VPS13B: variants seen among roughly 807,000 people sequenced by gnomAD.
The protein encoded by VPS13B is vacuolar protein sorting 13 homolog B, also known as intermembrane lipid transfer protein VPS13B.
VPS13B carries 285 observed loss-of-function variants against 426.4 expected under a neutral mutation model. The observed-to-expected ratio is 0.67, with a 90% CI of 0.61 to 0.74. The LOEUF (loss-of-function observed/expected upper bound fraction) is 0.74, where lower values mean the gene tolerates loss of function less well. VPS13B is among the 30% of genes least tolerant of loss of function. The pLI is 0.00. For missense variants in VPS13B, 4,537 were observed against 4,782.6 expected (o/e 0.95, Z 1.51); for synonymous variants, 1,676 against 1,676.4 (o/e 1.00, Z 0.01).
intron 17 of VPS13B, among the ~76,000 whole-genome samples, chr8:99,214,487 T>C (rs7014877): frequency 0.74 from 112,887 of 152,062 alleles, 42,684 homozygotes; most frequent in South Asian, 0.87. Context: ...TAGTCAAATA[T>C]TGACAGAAGA....
chr8:99,651,447 CA>C (rs1263154526), intron 34 of VPS13B, among the ~76,000 whole-genome samples: 1 of 151,726 alleles, frequency 6.6e-6, no homozygotes, highest in Non-Finnish European at 1.5e-5. Flanking sequence ...AATGATTTTC[CA>C]AGTAGATAGT....
Position 99,384,310 on chromosome 8 carries a change from T to C in VPS13B, c.2927T>C (p.Met976Thr), listed in dbSNP as rs1439673220. 1.9e-6 allele frequency: 3 copies of C among 1,612,330 alleles called. No individual in the cohort carries two copies. Among genetic ancestry groups the C allele is most frequent in the South Asian group, 1.1e-5 (1 of 91,022 alleles). ...CCTCAGAAACGAACAAGTAGACATATGCAACAGGTAAGAGATTTTTAAATA... is the reference window on the plus strand; with the variant it reads ...CCTCAGAAACGAACAAGTAGACATACGCAACAGGTAAGAGATTTTTAAATA... ...YQPQKRTSRH[M>T]QQQPVVAVPL... is the part of the protein sequence containing the mutation. Residue 976 changes from methionine (M) to threonine (T), a missense_variant, in exon 20 of 62, where the codon ATG becomes ACG. Transcript: ENST00000357162.
chr8:99,504,219 G>T (rs1203398639), intron 27 of VPS13B, among the ~76,000 whole-genome samples: 1 of 152,144 alleles, frequency 6.6e-6, no homozygotes, highest in Admixed American at 6.6e-5. Context: ...TGACACACCT[G>T]TTCTGCTTTG....
At chr8:99,296,632 A>G (rs944894619) in intron 19 of VPS13B, among the ~76,000 whole-genome samples, 3 of 152,206 alleles carry the variant, frequency 2.0e-5, no homozygotes, top group Non-Finnish European at 4.4e-5. Flanking sequence ...TAAAATTCCT[A>G]TGTTAAAACT....
At chr8:99,754,900 C>T (rs1404727345) in intron 39 of VPS13B, among the ~76,000 whole-genome samples, 1 of 152,144 alleles carries the variant, frequency 6.6e-6, no homozygotes, top group Non-Finnish European at 1.5e-5. Context: ...TGCCCCCACT[C>T]CCTGCCACAA....
intron 22 of VPS13B, among the ~76,000 whole-genome samples, chr8:99,439,111 A>T (rs535188429): frequency 6.6e-6 from 1 of 152,298 alleles, no homozygotes; most frequent in Non-Finnish European, 1.5e-5. Context: ...TCATTAACAA[A>T]TCAGTTTTAT....
chr8:99,160,372 G>C (rs1472546273), intron 15 of VPS13B, among the ~76,000 whole-genome samples: 1 of 152,058 alleles, frequency 6.6e-6, no homozygotes, highest in Non-Finnish European at 1.5e-5. Context: ...TTAAGAATCA[G>C]TACTGGCTGG....
chr8:99,749,146 A>G (rs1810265608), intron 39 of VPS13B, among the ~76,000 whole-genome samples: 1 of 152,076 alleles, frequency 6.6e-6, no homozygotes, highest in Non-Finnish European at 1.5e-5. Context: ...GGTAAATGAG[A>G]TATTTTGATA....
At chr8:99,513,031 A>C (rs1219856187) in intron 29 of VPS13B, among the ~76,000 whole-genome samples, 3 of 151,782 alleles carry the variant, frequency 2.0e-5, no homozygotes, top group East Asian at 3.9e-4. Context: ...AAAAAAAAAA[A>C]CCATAATGTT....
At chr8:99,365,552 T>G (rs1345177017) in intron 19 of VPS13B, among the ~76,000 whole-genome samples, 3 of 140,352 alleles carry the variant, frequency 2.1e-5, no homozygotes, top group East Asian at 4.2e-4. Context: ...AGTCTCGCTC[T>G]GTCGCCCAGG....
intron 33 of VPS13B, among the ~76,000 whole-genome samples, chr8:99,597,974 C>A (rs1827100278): frequency 1.3e-5 from 2 of 151,792 alleles, no homozygotes; most frequent in Admixed American, 1.3e-4. Flanking sequence ...CATTTCTGTT[C>A]CTAGAAGTAG....
intron 2 of VPS13B, among the ~76,000 whole-genome samples, chr8:99,028,253 C>G (rs918673883): frequency 4.0e-5 from 6 of 151,782 alleles, no homozygotes; most frequent in East Asian, 3.9e-4. Context: ...GGGTCGTGGC[C>G]GGGCAGAGGG....
chr8:99,429,922 A>T (rs1816997670), intron 21 of VPS13B, among the ~76,000 whole-genome samples: 1 of 152,112 alleles, frequency 6.6e-6, no homozygotes, highest in African/African-American at 2.4e-5. Context: ...TGGTCCCTAT[A>T]TATAGCTCTA....
chr8:99,314,023 A>T (rs1483946541), intron 19 of VPS13B, among the ~76,000 whole-genome samples: 1 of 152,150 alleles, frequency 6.6e-6, no homozygotes, highest in Non-Finnish European at 1.5e-5. Flanking sequence ...GGAAAAGTGT[A>T]GTAGTAGGGT....
chr8:99,421,622 T>G (rs551634245), intron 21 of VPS13B, among the ~76,000 whole-genome samples: 1 of 152,132 alleles, frequency 6.6e-6, no homozygotes, highest in Non-Finnish European at 1.5e-5. Flanking sequence ...TATCTAAAAA[T>G]GGTGATAATA....
Position 99,830,691 on chromosome 8 carries a change from C to T in VPS13B, c.9331-1678C>T, listed in dbSNP as rs1320406945. Among the ~76,000 whole-genome samples, 4 of 152,250 alleles carry T rather than the reference C, an allele frequency of 2.6e-5. No individual in the cohort carries two copies. The East Asian group carries it at 5.8e-4, about 22-fold the overall frequency. Reference sequence around the variant, plus strand: ...CTAGCTCGGTATCTGCCCAAATGGCCGCCTGGTTTTGTGCTTGAAACCCAG... The same window carrying T: ...CTAGCTCGGTATCTGCCCAAATGGCTGCCTGGTTTTGTGCTTGAAACCCAG... On this transcript the variant is annotated intron_variant, in intron 51 of 61. Transcript: ENST00000357162.
At chr8:99,251,245 A>G (rs1422237556) in intron 17 of VPS13B, among the ~76,000 whole-genome samples, 1 of 152,212 alleles carries the variant, frequency 6.6e-6, no homozygotes, top group Non-Finnish European at 1.5e-5. Context: ...GCTTTGTTCC[A>G]GTCATAATGG....
At chr8:99,370,269 G>T (rs779856533) in intron 19 of VPS13B, among the ~76,000 whole-genome samples, 63 of 152,088 alleles carry the variant, frequency 4.1e-4, no homozygotes, top group South Asian at 4.2e-4. Flanking sequence ...AACAAACAAG[G>T]TAATGTGATA....
chr8:99,335,093 C>T (rs199831517), intron 19 of VPS13B, among the ~76,000 whole-genome samples: 3 of 151,834 alleles, frequency 2.0e-5, no homozygotes, highest in Non-Finnish European at 4.4e-5. Context: ...TGGGAGGGTG[C>T]ATGTGTTGAG....
Sources: gnomAD v4.1 joint callset for allele counts (sites outside exome capture counted in the v4.1 genomes callset) on GRCh38, gnomAD v4.1.1 for gene constraint, MANE v1.5 for transcripts, NCBI Gene and HGNC (gene_info 2026-07-23, HGNC 2026-07-21) for gene names.